The following FRY variants were observed in gnomAD, a reference collection of about 807,000 sequenced individuals.
FRY encodes FRY microtubule binding protein, also known as protein furry homolog.
Under a neutral mutation model 348.4 loss-of-function variants are expected in FRY, and 128 were observed. The observed-to-expected ratio is 0.37, with a 90% confidence interval of 0.32 to 0.43. FRY has a LOEUF of 0.43. Among genes scored for constraint, FRY ranks in the 20% least tolerant of loss-of-function variants. The pLI, the probability that FRY is intolerant of heterozygous loss-of-function variation, is 1.00. For synonymous variants in FRY, 1,370 were observed against 1,374.7 expected (o/e 1.00, Z 0.08); for missense variants, 2,736 against 3,695.2 (o/e 0.74, Z 6.73).
chr13:32,129,244 T>G (rs1879208109), intron 7 of FRY, among the ~76,000 whole-genome samples: 1 of 152,202 alleles, frequency 6.6e-6, no homozygotes, highest in African/African-American at 2.4e-5. Context: ...TAATTACCTT[T>G]TTATAAGCTG....
At chr13:32,202,179 A>C (rs1011507881) in intron 30 of FRY, 139 bp downstream of exon 30, 3 of 805,706 alleles carry the variant, frequency 3.7e-6, no homozygotes, top group African/African-American at 3.4e-5. Flanking sequence ...AGAGTGAGAA[A>C]GTAACTATAT....
intron 41 of FRY, among the ~76,000 whole-genome samples, chr13:32,232,605 C>T (rs982866357): frequency 6.6e-5 from 10 of 152,204 alleles, no homozygotes; most frequent in African/African-American, 2.4e-4. Flanking sequence ...GAGGCCTCTG[C>T]TGGGCCCTCT....
At chr13:32,054,883 A>T (rs995661438) in intron 1 of FRY, among the ~76,000 whole-genome samples, 1 of 152,152 alleles carries the variant, frequency 6.6e-6, no homozygotes, top group Admixed American at 6.5e-5. Flanking sequence ...TCAAAAATAC[A>T]TAAATAAATA....
At chr13:32,244,220 T>A (rs1566163289) in intron 47 of FRY, 38 bp downstream of exon 47, 10 of 1,592,032 alleles carry the variant, frequency 6.3e-6, no homozygotes, top group Non-Finnish European at 8.6e-6. Flanking sequence ...AACCAGTCGT[T>A]CTAAAAAGAT....
At chr13:32,241,632 T>G (rs910806522) in intron 46 of FRY, among the ~76,000 whole-genome samples, 1 of 152,224 alleles carries the variant, frequency 6.6e-6, no homozygotes, top group African/African-American at 2.4e-5. Flanking sequence ...GGAAAGAATT[T>G]GTGAAGATTT....
intron 8 of FRY, among the ~76,000 whole-genome samples, chr13:32,132,482 C>A (rs926673062): frequency 2.0e-5 from 3 of 152,072 alleles, no homozygotes; most frequent in Admixed American, 2.0e-4. Flanking sequence ...CCATTTTACA[C>A]CCACAAGGAT....
chr13:32,138,536 A>C (rs1043285276), intron 11 of FRY, among the ~76,000 whole-genome samples: 3 of 152,188 alleles, frequency 2.0e-5, no homozygotes, highest in African/African-American at 7.2e-5. Context: ...CCCCACCAGA[A>C]AGATTTAATA....
chr13:32,137,379 G>T (rs996788101), intron 11 of FRY, among the ~76,000 whole-genome samples: 4 of 152,174 alleles, frequency 2.6e-5, no homozygotes, highest in Admixed American at 6.5e-5. Context: ...CAGTCTAGAA[G>T]AATGTCTCTG....
intron 14 of FRY, among the ~76,000 whole-genome samples, chr13:32,150,323 G>T (rs867901813): frequency 4.6e-5 from 7 of 152,198 alleles, no homozygotes; most frequent in African/African-American, 1.4e-4. Flanking sequence ...AGTATACAGT[G>T]GGCATCATAC....
rs144602793 is a variant in FRY at position 32,250,617 on chromosome 13, C to T, written c.7170+930C>T. On this transcript the variant is annotated intron_variant, in intron 49 of 60. Transcript: ENST00000542859. ...ATTCTGAAAGATCTTGCAGGACATG[C>T]GAGGGAGGCATAGCCTCACTTAGTG... is the stretch of plus-strand genomic sequence containing the variant. 4.7e-3 allele frequency among the ~76,000 whole-genome samples: 711 copies of T among 152,232 alleles called. 3 individuals are homozygous for T. Among genetic ancestry groups the T allele is most frequent in the African/African-American group, 0.016 (670 of 41,530 alleles).
In FRY at chr13:32,219,969, T is replaced by G. The variant is rs564031911; in HGVS notation, c.4765+1138T>G. Among the ~76,000 whole-genome samples the G allele has an allele frequency of 7.2e-5, 11 of 152,298 alleles. No individual in the cohort carries two copies. In the South Asian group the frequency reaches 2.3e-3, roughly 32 times the overall value. On this transcript the variant is annotated intron_variant, in intron 36 of 60. Coordinates refer to ENST00000542859, the MANE Select transcript of FRY (RefSeq NM_023037.3). ...AGGTCAGTGCATTTACTGATTTTGT[T>G]TAAGCCCTGGACAGCTTCTGTAGAT...
chr13:32,251,373 C>G lies in FRY; in HGVS notation c.7171-505C>G, dbSNP rs77500862. Among the ~76,000 whole-genome samples, 322 of 152,236 alleles carry G rather than the reference C, an allele frequency of 2.1e-3. 4 individuals carry two copies. The East Asian group carries it at 0.048, about 23-fold the overall frequency. ...ATTTTTTCATTCTACAGAAAGTATTCTTCTATTTGAGAAAAAGAGACTCAT... is the reference window on the plus strand; with the variant it reads ...ATTTTTTCATTCTACAGAAAGTATTGTTCTATTTGAGAAAAAGAGACTCAT... On this transcript the variant is annotated intron_variant, in intron 49 of 60. Coordinates refer to ENST00000542859, the MANE Select transcript of FRY (RefSeq NM_023037.3).
chr13:32,257,224 G>A (rs575945827), intron 51 of FRY, among the ~76,000 whole-genome samples: 1 of 152,286 alleles, frequency 6.6e-6, no homozygotes, highest in East Asian at 1.9e-4. Context: ...AATAACCAAT[G>A]TATAGTGTCT....
rs1429489302 is a variant in FRY at position 32,234,594 on chromosome 13, T to C, written c.5548T>C (p.Leu1850=). The change falls in exon 42 of 61, where the codon TTG becomes CTG. Residue 1850 remains leucine (L), a synonymous_variant. Coordinates refer to ENST00000542859, the MANE Select transcript of FRY (RefSeq NM_023037.3). ...CCTAGGCTTCCATCTGGAGCACCAG[T>C]TGAGTGAAGTTGCATTGCAGACAGC... ...SKSGFHLEHQ[L]SEVALQTALA... 6 of 1,613,870 alleles carry C rather than the reference T, an allele frequency of 3.7e-6. No homozygotes were observed. The highest frequency in any genetic ancestry group is 5.1e-6 in the Non-Finnish European group (6 of 1,179,900).
intron 1 of FRY, among the ~76,000 whole-genome samples, chr13:32,045,428 G>A (rs1284343892): frequency 6.6e-6 from 1 of 152,144 alleles, no homozygotes; most frequent in African/African-American, 2.4e-5. Context: ...TTCCAGGACA[G>A]TCTTTCCTAG....
At chr13:32,039,199 C>G (rs931545816) in intron 1 of FRY, among the ~76,000 whole-genome samples, 5 of 152,220 alleles carry the variant, frequency 3.3e-5, no homozygotes. Context: ...TCAAATATTT[C>G]TTCTAGCAGA....
At chr13:32,268,508 ATATATATAT>A (rs1566182674) in intron 55 of FRY, among the ~76,000 whole-genome samples, 13 of 20,702 alleles carry the variant, frequency 6.3e-4, no homozygotes, top group East Asian at 3.1e-3. Context: ...AAAAAAAAAT[ATATATATAT>A]ATATATATAT....
At chr13:32,225,739 TA>T in intron 38 of FRY, 49 bp from the exon 39 acceptor site, 1 of 1,335,934 alleles carries the variant, frequency 7.5e-7, no homozygotes, top group Non-Finnish European at 1.1e-6. Context: ...CCCTGGAATC[TA>T]AACGAGCTTA....
At chr13:32,156,482 T>G (rs1881117535) in intron 15 of FRY, among the ~76,000 whole-genome samples, 1 of 151,508 alleles carries the variant, frequency 6.6e-6, no homozygotes, top group Non-Finnish European at 1.5e-5. Context: ...ATGCCTGTAA[T>G]CCCAGCAACT....
Sources: gnomAD v4.1 joint callset for allele counts (sites outside exome capture counted in the v4.1 genomes callset) on GRCh38, gnomAD v4.1.1 for gene constraint, MANE v1.5 for transcripts, NCBI Gene and HGNC (gene_info 2026-07-23, HGNC 2026-07-21) for gene names.